STAC: variants seen among roughly 807,000 people sequenced by gnomAD.
The protein encoded by STAC is SH3 and cysteine-rich domain-containing protein.
In STAC, 43 loss-of-function variants were observed where a neutral mutation model predicts 48.8. The ratio of observed to expected loss-of-function variants is 0.88; its 90% CI spans 0.69 to 1.14. STAC has a LOEUF of 1.14. Among genes scored for constraint, STAC ranks in the 50% most tolerant of loss-of-function variants. The pLI is 0.00. For synonymous variants in STAC, 193 were observed against 179.5 expected (o/e 1.07, Z -0.60); for missense variants, 497 against 504.0 (o/e 0.99, Z 0.13).
chr3:36,453,316 G>A (rs190787215), intron 2 of STAC, among the ~76,000 whole-genome samples: 2 of 152,326 alleles, frequency 1.3e-5, no homozygotes, highest in Non-Finnish European at 2.9e-5. Context: ...GCCGGAGCCA[G>A]CTCCCTCAGC....
At chr3:36,538,680 A>G (rs1200724442) in intron 10 of STAC, among the ~76,000 whole-genome samples, 1 of 152,104 alleles carries the variant, frequency 6.6e-6, no homozygotes, top group Admixed American at 6.5e-5. Context: ...TAACATTATT[A>G]TTTTTTGTTA....
intron 2 of STAC, among the ~76,000 whole-genome samples, chr3:36,449,960 T>C (rs563845022): frequency 6.6e-6 from 1 of 152,362 alleles, no homozygotes; most frequent in East Asian, 1.9e-4. Context: ...TCTGGGCCCA[T>C]TTTTAGCCAT....
chr3:36,546,263 C>A lies in STAC; in HGVS notation c.1183C>A (p.Pro395Thr). Reference protein sequence around the residue: ...VLSGKKKGLIPLDVLENI With the variant: ...VLSGKKKGLITLDVLENI ...CAGTGGAAAAAAGAAAGGCCTCATC[C>A]CCCTTGATGTACTAGAAAACATCTG... is the stretch of plus-strand genomic sequence containing the variant. Residue 395 changes from proline (P) to threonine (T), a missense_variant, in exon 11 of 11, where the codon CCC becomes ACC. Physicochemically the swap from Pro to Thr is conservative, Grantham distance 38 (BLOSUM62 -1). Transcript: ENST00000273183. 1 of 1,614,014 alleles carries A rather than the reference C, an allele frequency of 6.2e-7. No homozygotes were observed. Among genetic ancestry groups the A allele is most frequent in the Non-Finnish European group, 8.5e-7 (1 of 1,179,922 alleles).
chr3:36,492,729 T>C (rs1698024602), intron 5 of STAC, among the ~76,000 whole-genome samples: 1 of 152,240 alleles, frequency 6.6e-6, no homozygotes, highest in African/African-American at 2.4e-5. Flanking sequence ...ACCTAAGTAG[T>C]GCATCCCTCC....
intron 1 of STAC, among the ~76,000 whole-genome samples, chr3:36,419,828 C>T (rs889730355): frequency 2.0e-5 from 3 of 152,178 alleles, no homozygotes; most frequent in Non-Finnish European, 4.4e-5. Context: ...CAGGGGAAGG[C>T]CCGAGACACC....
intron 1 of STAC, among the ~76,000 whole-genome samples, chr3:36,398,347 GA>G (rs1271275535): frequency 7.6e-6 from 1 of 130,938 alleles, no homozygotes; most frequent in Non-Finnish European, 1.7e-5. Flanking sequence ...AAGAAAGAAA[GA>G]AAGAAAGAAA....
rs138467568 is a variant in STAC at position 36,382,501 on chromosome 3, T to C, written c.111+1747T>C. The stretch of plus-strand genomic sequence containing the variant: ...TTGTACAAATTAGTTTTTCTCAAAG[T>C]GGTCTATACACCGGATGTGTGTTTC... On this transcript the variant is annotated intron_variant, in intron 1 of 10. Coordinates refer to ENST00000273183, the MANE Select transcript of STAC (RefSeq NM_003149.3). Among the ~76,000 whole-genome samples the C allele has an allele frequency of 1.1e-3, 174 of 152,352 alleles. 1 individual carries two copies. The highest frequency in any genetic ancestry group is 3.9e-3 in the African/African-American group (164 of 41,576).
chr3:36,485,358 C>G (rs914280668), intron 4 of STAC, among the ~76,000 whole-genome samples: 3 of 152,190 alleles, frequency 2.0e-5, no homozygotes, highest in Non-Finnish European at 4.4e-5. Flanking sequence ...TGGCTTCCCC[C>G]AGACCAGGCT....
At chr3:36,481,774 A>G (rs1697653655) in intron 2 of STAC, among the ~76,000 whole-genome samples, 1 of 152,222 alleles carries the variant, frequency 6.6e-6, no homozygotes, top group South Asian at 2.1e-4. Context: ...CAGTAGGCTG[A>G]CAGGACCCCT....
intron 2 of STAC, among the ~76,000 whole-genome samples, chr3:36,472,243 T>G (rs1270642864): frequency 6.6e-6 from 1 of 152,038 alleles, no homozygotes; most frequent in Admixed American, 6.5e-5. Context: ...ATGGCTGGAG[T>G]GACTGGGACA....
chr3:36,472,494 C>A (rs1339517497), intron 2 of STAC, among the ~76,000 whole-genome samples: 1 of 152,234 alleles, frequency 6.6e-6, no homozygotes, highest in African/African-American at 2.4e-5. Flanking sequence ...CATAGTGCGG[C>A]TGCACATTTT....
intron 1 of STAC, among the ~76,000 whole-genome samples, chr3:36,434,029 AT>A (rs1393111598): frequency 1.3e-5 from 2 of 152,204 alleles, no homozygotes; most frequent in African/African-American, 4.8e-5. Context: ...TTGGTGAGAA[AT>A]TTAATCCTCA....
chr3:36,439,818 GGT>G (rs1275490927), intron 1 of STAC, among the ~76,000 whole-genome samples: 1 of 152,080 alleles, frequency 6.6e-6, no homozygotes, highest in African/African-American at 2.4e-5. Flanking sequence ...TCAGAGATGA[GGT>G]GTCCTCTTCA....
At chr3:36,387,774 C>A (rs1699649179) in intron 1 of STAC, among the ~76,000 whole-genome samples, 1 of 152,070 alleles carries the variant, frequency 6.6e-6, no homozygotes, top group African/African-American at 2.4e-5. Flanking sequence ...TTTAGCTACT[C>A]TGAATAATGC....
chr3:36,382,810 T>G (rs1319593893), intron 1 of STAC, among the ~76,000 whole-genome samples: 1 of 152,172 alleles, frequency 6.6e-6, no homozygotes, highest in Non-Finnish European at 1.5e-5. Flanking sequence ...TGTTAAAGCT[T>G]ACTGGCGTTT....
intron 2 of STAC, among the ~76,000 whole-genome samples, chr3:36,449,634 T>C (rs147225322): frequency 1.9e-3 from 290 of 152,338 alleles, no homozygotes; most frequent in African/African-American, 6.8e-3. Context: ...GTACTGTGTA[T>C]TTTAAGAAAT....
chr3:36,404,855 T>C (rs1300386825), intron 1 of STAC, among the ~76,000 whole-genome samples: 3 of 152,068 alleles, frequency 2.0e-5, no homozygotes, highest in African/African-American at 4.8e-5. Flanking sequence ...TGTTTGTGTA[T>C]AGAATACAAA....
At chr3:36,402,737 G>T (rs112946511) in intron 1 of STAC, among the ~76,000 whole-genome samples, 1 of 152,156 alleles carries the variant, frequency 6.6e-6, no homozygotes. Flanking sequence ...TCAAATTCCA[G>T]AGTAAAAGCC....
intron 1 of STAC, among the ~76,000 whole-genome samples, chr3:36,398,043 G>A (rs183882517): frequency 1.3e-4 from 20 of 152,164 alleles, no homozygotes; most frequent in Admixed American, 1.2e-3. Context: ...ATCTTTCCTG[G>A]CTCTCAATTG....
Sources: allele counts gnomAD v4.1 joint callset (sites outside exome capture counted in the v4.1 genomes callset), GRCh38; gene constraint gnomAD v4.1.1; transcripts MANE v1.5; gene names NCBI Gene and HGNC (gene_info 2026-07-23, HGNC 2026-07-21).